CDYL2: variants seen among roughly 807,000 people sequenced by gnomAD.
The protein encoded by CDYL2 is chromodomain Y-like protein 2.
In CDYL2, 23 loss-of-function variants were observed where a neutral mutation model predicts 49.4. The observed-to-expected ratio is 0.47, with a 90% CI of 0.34 to 0.66. CDYL2 has a LOEUF of 0.66. CDYL2 is among the 30% of genes least tolerant of loss of function. CDYL2 has a pLI of 0.01. For missense variants in CDYL2, 678 were observed against 656.4 expected, an observed-to-expected ratio of 1.03 and a Z score of -0.36; for synonymous variants, 360 against 268.8, an observed-to-expected ratio of 1.34 and a Z score of -3.32.
intron 1 of CDYL2, among the ~76,000 whole-genome samples, chr16:80,761,277 G>A (rs945839613): frequency 3.3e-5 from 5 of 152,200 alleles, no homozygotes; most frequent in African/African-American, 1.2e-4. Context: ...AGCCATCTGG[G>A]TTCCAATCTA....
rs533364682 is a variant in CDYL2, at chr16:80,742,819, G to T, written c.25-57690C>A. Among the ~76,000 whole-genome samples the T allele has an allele frequency of 8.1e-5, 12 of 147,988 alleles. No individual in the cohort carries two copies. In the East Asian group the frequency reaches 2.5e-3, roughly 31 times the overall value. ...ACTGACAAATAGACAGATGTAAAAT[G>T]AAAGACTGGGTGGTTGAGTGGATAA... On this transcript the variant is annotated intron_variant, in intron 1 of 6. Transcript: ENST00000570137.
At chr16:80,741,474 T>TA (rs1275384388) in intron 1 of CDYL2, among the ~76,000 whole-genome samples, 1 of 152,080 alleles carries the variant, frequency 6.6e-6, no homozygotes, top group African/African-American at 2.4e-5. Flanking sequence ...ATCTAGGTTT[T>TA]AAAAAAACAT....
At chr16:80,781,867 C>A (rs1047900520) in intron 1 of CDYL2, among the ~76,000 whole-genome samples, 2 of 151,916 alleles carry the variant, frequency 1.3e-5, no homozygotes, top group East Asian at 1.9e-4. Flanking sequence ...ACAAAACATA[C>A]TAATACTGCA....
chr16:80,693,934 G>A (rs984765489), intron 1 of CDYL2, among the ~76,000 whole-genome samples: 5 of 152,148 alleles, frequency 3.3e-5, no homozygotes, highest in Non-Finnish European at 5.9e-5. Context: ...CTAAATACAA[G>A]AGACAGGGAA....
chr16:80,725,936 G>C (rs572910824), intron 1 of CDYL2, among the ~76,000 whole-genome samples: 145 of 152,312 alleles, frequency 9.5e-4, no homozygotes, highest in Middle Eastern at 3.4e-3. Flanking sequence ...ATCTTCTGAA[G>C]TGGGATGACA....
chr16:80,796,192 A>G (rs1314228396), intron 1 of CDYL2, among the ~76,000 whole-genome samples: 2 of 152,238 alleles, frequency 1.3e-5, no homozygotes, highest in South Asian at 2.1e-4. Flanking sequence ...TGCTGTCCAC[A>G]TCTGGAATTT....
chr16:80,748,789 T>A (rs374399147), intron 1 of CDYL2, among the ~76,000 whole-genome samples: 2 of 152,106 alleles, frequency 1.3e-5, no homozygotes, highest in South Asian at 2.1e-4. Flanking sequence ...TCCCTGTCCT[T>A]GAGCTGCCCT....
chr16:80,747,311 C>T (rs1038927717), intron 1 of CDYL2, among the ~76,000 whole-genome samples: 20 of 151,982 alleles, frequency 1.3e-4, no homozygotes, highest in South Asian at 2.1e-4. Flanking sequence ...GGCAGTTTCT[C>T]GGGAGGGAGG....
At chr16:80,774,508 A>G (rs1271203149) in intron 1 of CDYL2, among the ~76,000 whole-genome samples, 2 of 152,150 alleles carry the variant, frequency 1.3e-5, no homozygotes, top group African/African-American at 4.8e-5. Flanking sequence ...TGTTAATAAC[A>G]ATGTATTATA....
At chr16:80,685,741 A>G (rs1209927902) in intron 1 of CDYL2, among the ~76,000 whole-genome samples, 1 of 152,204 alleles carries the variant, frequency 6.6e-6, no homozygotes, top group East Asian at 1.9e-4. Flanking sequence ...ACAGTCAGAG[A>G]ACGAGGGCTC....
At position 80,787,223 on chromosome 16, in the gene CDYL2, C is replaced by T. The variant is rs148666903; in HGVS notation, c.24+16927G>A. ...TTCTTCCACAAGAAAGAAATGAGTG[C>T]CTTGAATGGCAGCAGGGGAAATGAA... On this transcript the variant is annotated intron_variant, in intron 1 of 6. Coordinates refer to ENST00000570137, the MANE Select transcript of CDYL2 (RefSeq NM_152342.4). Among the ~76,000 whole-genome samples, 107 of 152,188 alleles carry T rather than the reference C, an allele frequency of 7.0e-4. 2 individuals carry two copies. The East Asian group carries it at 0.019, about 26-fold the overall frequency.
intron 1 of CDYL2, among the ~76,000 whole-genome samples, chr16:80,750,847 T>C (rs913359091): frequency 8.6e-5 from 13 of 151,850 alleles, no homozygotes; most frequent in African/African-American, 3.1e-4. Context: ...TGAAACCCCG[T>C]CTCTACTAAA....
chr16:80,752,117 T>A (rs545160946), intron 1 of CDYL2, among the ~76,000 whole-genome samples: 12 of 138,526 alleles, frequency 8.7e-5, no homozygotes, highest in South Asian at 6.8e-4. Flanking sequence ...GCGAAATTAA[T>A]CTAAAACCAA....
chr16:80,638,520 T>C (rs1398558467), intron 2 of CDYL2, among the ~76,000 whole-genome samples: 1 of 152,166 alleles, frequency 6.6e-6, no homozygotes. Context: ...ACCTAGGTAA[T>C]ACTGATGAGT....
chr16:80,713,044 G>A (rs943969055), intron 1 of CDYL2, among the ~76,000 whole-genome samples: 4 of 152,292 alleles, frequency 2.6e-5, no homozygotes, highest in South Asian at 2.1e-4. Context: ...CTGCAGACAA[G>A]AGGTGTTCCA....
At chr16:80,752,036 A>G (rs1435048975) in intron 1 of CDYL2, among the ~76,000 whole-genome samples, 1 of 152,218 alleles carries the variant, frequency 6.6e-6, no homozygotes, top group Non-Finnish European at 1.5e-5. Context: ...GAAGATATAA[A>G]TACTAGAATT....
chr16:80,672,574 G>A (rs1230466177), intron 2 of CDYL2, among the ~76,000 whole-genome samples: 1 of 144,126 alleles, frequency 6.9e-6, no homozygotes, highest in Non-Finnish European at 1.5e-5. Context: ...GGAAAGGAAA[G>A]GAAAGGAAAG....
At chr16:80,671,118 G>A (rs1243412171) in intron 2 of CDYL2, among the ~76,000 whole-genome samples, 1 of 152,074 alleles carries the variant, frequency 6.6e-6, no homozygotes, top group African/African-American at 2.4e-5. Context: ...ATGTTTCTCT[G>A]GAGTCACCCA....
intron 1 of CDYL2, among the ~76,000 whole-genome samples, chr16:80,793,911 C>T (rs1262102191): frequency 1.3e-5 from 2 of 152,158 alleles, no homozygotes; most frequent in African/African-American, 2.4e-5. Context: ...ACAGTCTCGG[C>T]AGTCAATTTC....
Sources: gnomAD v4.1 joint callset for allele counts (sites outside exome capture counted in the v4.1 genomes callset) on GRCh38, gnomAD v4.1.1 for gene constraint, MANE v1.5 for transcripts, NCBI Gene and HGNC (gene_info 2026-07-23, HGNC 2026-07-21) for gene names.